DNAH2: variants seen among roughly 807,000 people sequenced by gnomAD.
DNAH2 encodes axonemal beta dynein heavy chain 2.
In DNAH2, 323 loss-of-function variants were observed where a neutral mutation model predicts 523.5. The ratio of observed to expected loss-of-function variants is 0.62; its 90% CI spans 0.56 to 0.68. DNAH2 has a LOEUF of 0.68. Ranked by LOEUF, DNAH2 falls within the 30% of genes least tolerant of loss-of-function variation. The pLI, the probability that DNAH2 is intolerant of heterozygous loss-of-function variation, is 0.00. For missense variants in DNAH2, 4,907 were observed against 5,701.5 expected, an observed-to-expected ratio of 0.86 and a Z score of 4.49; for synonymous variants, 2,093 against 2,177.4, an observed-to-expected ratio of 0.96 and a Z score of 1.08.
intron 12 of DNAH2, 123 bp from the exon 13 acceptor site, chr17:7,756,968 G>A: frequency 7.1e-7 from 1 of 1,415,200 alleles, no homozygotes; most frequent in Non-Finnish European, 9.7e-7. Flanking sequence ...ACCATACCAG[G>A]CCTCTGCTTC....
intron 4 of DNAH2, among the ~76,000 whole-genome samples, chr17:7,729,584 C>T (rs964582998): frequency 1.3e-5 from 2 of 152,142 alleles, no homozygotes; most frequent in East Asian, 1.9e-4. Flanking sequence ...GCATGTACCA[C>T]CACACCAGGC....
Position 7,786,570 on chromosome 17 carries a change from G to C in DNAH2, c.6349G>C (p.Glu2117Gln). ...AAACCCCTTCCGGTGTCATTTTCAG[G>C]AGTTCCCTTTGAACCCCAAGGCATT... ...AGDPNFNIVR[E>Q]FPLNPKALSL... The change falls in exon 41 of 86, where the codon GAG becomes CAG. Residue 2117 changes from glutamate to glutamine, a missense_variant and splice_region_variant. By Grantham distance (29) the Glu-to-Gln change is conservative (BLOSUM62 2). Transcript: ENST00000572933. This position sits in a 1 kb window ranked among gnomAD's most constrained non-coding sequence, Gnocchi z 7.5. 1.2e-6 allele frequency: 2 copies of C among 1,613,262 alleles called. No homozygotes were observed. Among genetic ancestry groups the C allele is most frequent in the Non-Finnish European group, 1.7e-6 (2 of 1,179,544 alleles).
intron 11 of DNAH2, among the ~76,000 whole-genome samples, chr17:7,741,304 TCCCTCCCTCCC>T (rs2075333048): frequency 5.6e-5 from 3 of 53,912 alleles, no homozygotes; most frequent in African/African-American, 8.9e-5. Context: ...CTTCCTTCCT[TCCCTCCCTCCC>T]TCCCTCCCTC....
chr17:7,786,804 C>T lies in DNAH2; in HGVS notation c.6467-93C>T. The T allele has an allele frequency of 1.9e-6, 3 of 1,603,592 alleles. No homozygotes were observed. The highest frequency in any genetic ancestry group is 1.7e-4 in the Middle Eastern group (1 of 6,018). On this transcript the variant is annotated intron_variant, in intron 41 of 85. Transcript: ENST00000572933. The surrounding 1 kb of genome is among the most constrained non-coding windows in gnomAD (Gnocchi z 7.5). ...GAAATGCCTGGGGAATGCTGAAGTACAAGGGAGTGTAGGCTTGTGTCTCCG... is the reference window on the plus strand; with the variant it reads ...GAAATGCCTGGGGAATGCTGAAGTATAAGGGAGTGTAGGCTTGTGTCTCCG...
intron 61 of DNAH2, 106 bp downstream of exon 61, chr17:7,805,499 C>T: frequency 6.6e-7 from 1 of 1,519,178 alleles, no homozygotes; most frequent in Non-Finnish European, 8.9e-7. Flanking sequence ...AGGCATTGTT[C>T]TTACCCTCAA....
intron 63 of DNAH2, among the ~76,000 whole-genome samples, chr17:7,811,250 T>C (rs16956966): frequency 0.016 from 2,473 of 152,246 alleles, 69 homozygotes; most frequent in African/African-American, 0.057. Flanking sequence ...AACGCTCCAA[T>C]AATAACAATA....
In DNAH2 at chr17:7,792,871, A is replaced by AG. The variant is rs756158044; in HGVS notation, c.7344+20dup. ...GTCCGCACAGGTGTGTCGGGGATCCAGGGGCCAGGCTGCCGGCTCCCTTGG... is the reference window on the plus strand; with the variant it reads ...GTCCGCACAGGTGTGTCGGGGATCCAGGGGGCCAGGCTGCCGGCTCCCTTGG... On this transcript the variant is annotated intron_variant, in intron 47 of 85. Coordinates refer to ENST00000572933, the MANE Select transcript of DNAH2 (RefSeq NM_020877.5). 1 of 1,607,558 alleles carries AG rather than the reference A, an allele frequency of 6.2e-7. No individual in the cohort carries two copies. The highest frequency in any genetic ancestry group is 1.3e-5 in the African/African-American group (1 of 74,910).
chr17:7,767,941 C>A lies in DNAH2; in HGVS notation c.3717C>A (p.Asp1239Glu), dbSNP rs146539788. 2.0e-3 allele frequency: 3,291 copies of A among 1,614,080 alleles called. 16 individuals are homozygous for A. Among genetic ancestry groups the A allele is most frequent in the African/African-American group, 0.016 (1,221 of 75,016 alleles). The change falls in exon 23 of 86, where the codon GAC becomes GAA. Residue 1239 changes from aspartate to glutamate, a missense_variant. Asp to Glu is a conservative substitution (Grantham distance 45, BLOSUM62 2). Around this residue, in one of 3 missense-constraint regions of DNAH2, gnomAD observed 2,806 missense variants for 3,190.8 expected, o/e 0.88. Coordinates refer to ENST00000572933, the MANE Select transcript of DNAH2 (RefSeq NM_020877.5). ...ALQQIWEIAR[D>E]WEENWNEWKT... is the part of the protein sequence containing the mutation. ...AGCAAATCTGGGAGATCGCACGAGA[C>A]TGGGAGGAGAACTGGAATGAGTGGA...
chr17:7,757,079 T>A lies in DNAH2; in HGVS notation c.1905-12T>A, dbSNP rs777457751. ...TGCGGTCCCCTCACTGCCTGGCTGC[T>A]CTCTCTCAAAGGTCCCTTCTGATTC... On this transcript the variant is annotated splice_polypyrimidine_tract_variant and intron_variant, in intron 12 of 85. Coordinates refer to ENST00000572933, the MANE Select transcript of DNAH2 (RefSeq NM_020877.5). 6.2e-7 allele frequency: 1 copy of A among 1,613,934 alleles called. No individual in the cohort carries two copies. The highest frequency in any genetic ancestry group is 8.5e-7 in the Non-Finnish European group (1 of 1,179,858).
intron 79 of DNAH2, 91 bp downstream of exon 79, chr17:7,830,933 A>G (rs1308751497): frequency 6.4e-7 from 1 of 1,558,940 alleles, no homozygotes; most frequent in East Asian, 2.2e-5. Flanking sequence ...TGAGGAGAGG[A>G]CGTGAGATTG....
rs781132297 is a variant in DNAH2 at position 7,832,602 on chromosome 17, G to C, written c.12750G>C (p.Leu4250Phe). The change falls in exon 83 of 86, where the codon TTG becomes TTC. Residue 4250 changes from leucine to phenylalanine, a missense_variant. By Grantham distance (22) the Leu-to-Phe change is conservative. Around this residue, in one of 3 missense-constraint regions of DNAH2, gnomAD observed 1,851 missense variants for 2,139.4 expected, o/e 0.87. Coordinates refer to ENST00000572933, the MANE Select transcript of DNAH2 (RefSeq NM_020877.5). This position sits in a 1 kb window ranked among gnomAD's most constrained non-coding sequence, Gnocchi z 4.3. ...AGGCATACCCCTCACAAAAGCCATTGGCTGCCTGGACCCGGGACTTGGCCA... is the reference window on the plus strand; with the variant it reads ...AGGCATACCCCTCACAAAAGCCATTCGCTGCCTGGACCCGGGACTTGGCCA... ...WGKAYPSQKPLAAWTRDLAMR... is the reference protein window; with the variant it reads ...WGKAYPSQKPFAAWTRDLAMR... 6.2e-7 allele frequency: 1 copy of C among 1,614,114 alleles called. No homozygotes were observed. Among genetic ancestry groups the C allele is most frequent in the South Asian group, 1.1e-5 (1 of 91,070 alleles).
chr17:7,799,984 C>T lies in DNAH2; in HGVS notation c.8699+742C>T, dbSNP rs537658970. Among the ~76,000 whole-genome samples, 56 of 152,372 alleles carry T rather than the reference C, an allele frequency of 3.7e-4. 4 individuals are homozygous for T. The South Asian group carries it at 0.012, about 32-fold the overall frequency. On this transcript the variant is annotated intron_variant, in intron 56 of 85. Transcript: ENST00000572933. ...ATGAAACCATTGCTCCCCATTCCCT[C>T]CCCAGCTGCTGTCTCTTGAGTCTGA... is the stretch of plus-strand genomic sequence containing the variant.
At chr17:7,804,867 A>T in intron 59 of DNAH2, 91 bp from the exon 60 acceptor site, 1 of 1,149,890 alleles carries the variant, frequency 8.7e-7, no homozygotes, top group African/African-American at 1.6e-5. Flanking sequence ...AAAATTCTTT[A>T]GCTTTCTCTT....
Position 7,798,772 on chromosome 17 carries a change from C to A in DNAH2, c.8559+54C>A. The A allele has an allele frequency of 6.4e-7, 1 of 1,572,882 alleles. No homozygotes were observed. The highest frequency in any genetic ancestry group is 2.2e-5 in the East Asian group (1 of 44,448). ...TCAGTTCTTTGGCCTGCCTAGCTGA[C>A]CCCAGAAGGACCACAGCTCCCAGAA... is the stretch of plus-strand genomic sequence containing the variant. On this transcript the variant is annotated intron_variant, in intron 55 of 85. Coordinates refer to ENST00000572933, the MANE Select transcript of DNAH2 (RefSeq NM_020877.5). The surrounding 1 kb of genome is among the most constrained non-coding windows in gnomAD (Gnocchi z 5.5).
At chr17:7,781,240 C>T (rs920456254) in intron 39 of DNAH2, 73 bp downstream of exon 39, 73 of 1,557,268 alleles carry the variant, frequency 4.7e-5, no homozygotes, top group Middle Eastern at 1.7e-4. Context: ...TTTGGGAGGC[C>T]GAGGTGGGCA....
At chr17:7,809,523 A>G (rs2077454430) in intron 63 of DNAH2, among the ~76,000 whole-genome samples, 1 of 151,998 alleles carries the variant, frequency 6.6e-6, no homozygotes, top group Non-Finnish European at 1.5e-5. Flanking sequence ...TTGCTCTTTT[A>G]CTCTGTCTTT....
At position 7,735,107 on chromosome 17, in the gene DNAH2, A is replaced by G. The variant is rs571806552; in HGVS notation, c.978+399A>G. Among the ~76,000 whole-genome samples the G allele has an allele frequency of 3.9e-5, 6 of 152,212 alleles. No individual in the cohort carries two copies. In the South Asian group the frequency reaches 1.2e-3, roughly 32 times the overall value. On this transcript the variant is annotated intron_variant, in intron 7 of 85. Coordinates refer to ENST00000572933, the MANE Select transcript of DNAH2 (RefSeq NM_020877.5). Reference sequence around the variant, plus strand: ...AAGGAAAATCCAAGGAAAAGGGATAAATACTTTTTTTCTTTTTCTTTTCTT... The same window carrying G: ...AAGGAAAATCCAAGGAAAAGGGATAGATACTTTTTTTCTTTTTCTTTTCTT...
Position 7,797,793 on chromosome 17 carries a change from A to G in DNAH2, c.8194A>G (p.Met2732Val), listed in dbSNP as rs1167893042. The G allele has an allele frequency of 1.9e-6, 3 of 1,613,862 alleles. No individual in the cohort carries two copies. Among genetic ancestry groups the G allele is most frequent in the Non-Finnish European group, 1.7e-6 (2 of 1,179,882 alleles). ...TAACCTGTCACCCTCTGTCGTGCCCATGCAGCTAGTGCTCTTCCGAGAGGC... is the reference window on the plus strand; with the variant it reads ...TAACCTGTCACCCTCTGTCGTGCCCGTGCAGCTAGTGCTCTTCCGAGAGGC... Reference protein sequence around the residue: ...EYNLSPSVVPMQLVLFREAIE... With the variant: ...EYNLSPSVVPVQLVLFREAIE... The change falls in exon 53 of 86, where the codon ATG (methionine) becomes GTG (valine). Residue 2732 changes from methionine to valine, a missense_variant. By Grantham distance (21) the Met-to-Val change is conservative. Transcript: ENST00000572933.
chr17:7,760,010 A>G lies in DNAH2; in HGVS notation c.2785+72A>G, dbSNP rs1022278751. The G allele has an allele frequency of 1.9e-6, 3 of 1,603,566 alleles. No homozygotes were observed. The highest frequency in any genetic ancestry group is 2.6e-6 in the Non-Finnish European group (3 of 1,172,214). ...GTCGAGTGGGCCAGGCCAGGAGGAG[A>G]GACCAGGGCTATTTCCAGGCATACT... On this transcript the variant is annotated intron_variant, in intron 17 of 85. Transcript: ENST00000572933. This position sits in a 1 kb window ranked among gnomAD's most constrained non-coding sequence, Gnocchi z 4.0.
Sources: allele counts gnomAD v4.1 joint callset (sites outside exome capture counted in the v4.1 genomes callset), GRCh38; gene constraint gnomAD v4.1.1; regional missense constraint gnomAD v4.1.1; non-coding constraint Gnocchi (gnomAD v3.1); transcripts MANE v1.5; gene names NCBI Gene and HGNC (gene_info 2026-07-23, HGNC 2026-07-21).